GABRG1: variants seen among roughly 807,000 people sequenced by gnomAD.
GABRG1 encodes gamma-aminobutyric acid type A receptor subunit gamma1, also known as gamma-aminobutyric acid receptor subunit gamma-1.
GABRG1 carries 49 observed loss-of-function variants against 49.8 expected under a neutral mutation model. The ratio of observed to expected loss-of-function variants is 0.98; its 90% CI spans 0.78 to 1.25. The LOEUF is 1.25. Ranked by LOEUF, GABRG1 falls within the 50% of genes most tolerant of loss-of-function variation. GABRG1 has a pLI of 0.00. For synonymous variants in GABRG1, 232 were observed against 185.1 expected, an observed-to-expected ratio of 1.25 and a Z score of -2.06; for missense variants, 552 against 552.3, an observed-to-expected ratio of 1.00 and a Z score of 0.01.
intron 2 of GABRG1, among the ~76,000 whole-genome samples, chr4:46,088,943 C>T (rs1719885076): frequency 6.6e-6 from 1 of 151,668 alleles, no homozygotes; most frequent in African/African-American, 2.4e-5. Context: ...GCTCTTGCTC[C>T]CATACCTGAT....
intron 2 of GABRG1, among the ~76,000 whole-genome samples, chr4:46,092,025 T>C (rs1256321080): frequency 6.6e-6 from 1 of 152,016 alleles, no homozygotes; most frequent in East Asian, 1.9e-4. Flanking sequence ...GAGTGATATT[T>C]ATGAAGTTTG....
At position 46,097,212 on chromosome 4, in the gene GABRG1, G is replaced by T; in HGVS notation, c.242C>A (p.Pro81Gln). Residue 81 changes from proline to glutamine, a missense_variant, in exon 2 of 9, where the codon CCA becomes CAA. By Grantham distance (76) the Pro-to-Gln change is moderately conservative. Transcript: ENST00000295452. ...TAACTCAAGCTTACCTCCTATATCT[G>T]GACGAAGTTTATTGTCATAGCCTTG... ...LLQGYDNKLR[P>Q]DIGVRPTVIE... 6.2e-7 allele frequency: 1 copy of T among 1,607,144 alleles called. No individual in the cohort carries two copies. The highest frequency in any genetic ancestry group is 8.5e-7 in the Non-Finnish European group (1 of 1,176,440).
In GABRG1 at chr4:46,090,949, CACACAT is replaced by C. The variant is rs1237457514; in HGVS notation, c.253+6246_253+6251del. 1.0e-3 allele frequency among the ~76,000 whole-genome samples: 143 copies of C among 137,556 alleles called. No homozygotes were observed. The Middle Eastern group carries it at 0.011, about 11-fold the overall frequency. The allele number at this position is 137,556 out of a possible 152,430, so 90.2% of individuals were successfully genotyped here. On this transcript the variant is annotated intron_variant, in intron 2 of 8. Coordinates refer to ENST00000295452, the MANE Select transcript of GABRG1 (RefSeq NM_173536.4). ...TCCCTGGAATACACACACACACACA[CACACAT>C]ACACACACACACACACACACACACA...
chr4:46,094,657 G>A (rs1720109628), intron 2 of GABRG1, among the ~76,000 whole-genome samples: 1 of 151,858 alleles, frequency 6.6e-6, no homozygotes, highest in South Asian at 2.1e-4. Flanking sequence ...AAAAGTCAAG[G>A]GGAGTACCTC....
intron 1 of GABRG1, among the ~76,000 whole-genome samples, chr4:46,113,377 C>G (rs1163157420): frequency 2.0e-5 from 3 of 150,890 alleles, no homozygotes; most frequent in Admixed American, 1.3e-4. Flanking sequence ...ATAAAACCAT[C>G]AAATCTCCTG....
chr4:46,101,662 A>C (rs1720382929), intron 1 of GABRG1, among the ~76,000 whole-genome samples: 1 of 151,722 alleles, frequency 6.6e-6, no homozygotes, highest in Non-Finnish European at 1.5e-5. Flanking sequence ...AACATTTTCA[A>C]TCCAATGACA....
intron 5 of GABRG1, among the ~76,000 whole-genome samples, chr4:46,061,317 A>G (rs1029975334): frequency 2.0e-5 from 3 of 152,106 alleles, no homozygotes; most frequent in African/African-American, 7.2e-5. Flanking sequence ...AGACAAAATC[A>G]TTAAGAAAAT....
At chr4:46,120,195 T>C (rs1268539370) in intron 1 of GABRG1, among the ~76,000 whole-genome samples, 6 of 151,864 alleles carry the variant, frequency 4.0e-5, no homozygotes, top group Non-Finnish European at 7.4e-5. Flanking sequence ...AATTACTCTC[T>C]TGAAGCTCAT....
intron 1 of GABRG1, among the ~76,000 whole-genome samples, chr4:46,114,364 G>C (rs996622828): frequency 6.6e-6 from 1 of 150,956 alleles, no homozygotes; most frequent in Non-Finnish European, 1.5e-5. Context: ...ATAGAGAGAT[G>C]CTTTGAAAAC....
intron 8 of GABRG1, among the ~76,000 whole-genome samples, chr4:46,049,831 A>G (rs993720): frequency 0.51 from 76,698 of 151,678 alleles, 19,975 homozygotes; most frequent in African/African-American, 0.62. Flanking sequence ...ATTAGCTACC[A>G]TCCTAGAGTA....
chr4:46,111,182 G>C, intron 1 of GABRG1, among the ~76,000 whole-genome samples: 1 of 150,982 alleles, frequency 6.6e-6, no homozygotes, highest in Non-Finnish European at 1.5e-5. Context: ...TTAAAACTCA[G>C]TAGAATTTCT....
At chr4:46,057,704 A>G (rs1050006889) in intron 7 of GABRG1, among the ~76,000 whole-genome samples, 2 of 152,136 alleles carry the variant, frequency 1.3e-5, no homozygotes, top group African/African-American at 4.8e-5. Context: ...CACATTTTAT[A>G]CATGACAGAA....
intron 1 of GABRG1, among the ~76,000 whole-genome samples, chr4:46,114,970 GA>G (rs958219697): frequency 2.0e-4 from 30 of 148,626 alleles, no homozygotes; most frequent in Non-Finnish European, 2.7e-4. Context: ...CATAAGGACA[GA>G]AAAAAAAAGA....
intron 2 of GABRG1, among the ~76,000 whole-genome samples, chr4:46,093,348 A>T (rs1462280793): frequency 6.6e-6 from 1 of 152,012 alleles, no homozygotes; most frequent in Non-Finnish European, 1.5e-5. Context: ...GAAATAAACC[A>T]GGCACAGAAA....
chr4:46,045,439 G>GA (rs1012161537), intron 8 of GABRG1, among the ~76,000 whole-genome samples: 6 of 151,628 alleles, frequency 4.0e-5, no homozygotes, highest in African/African-American at 1.5e-4. Context: ...TTTCCAAGGA[G>GA]AAAATAGAAA....
At chr4:46,122,681 A>T (rs968178204) in intron 1 of GABRG1, among the ~76,000 whole-genome samples, 1 of 152,134 alleles carries the variant, frequency 6.6e-6, no homozygotes, top group East Asian at 1.9e-4. Flanking sequence ...GTGGCAAAAA[A>T]ATTCACTCTA....
chr4:46,053,072 A>G (rs924911707), intron 7 of GABRG1, among the ~76,000 whole-genome samples: 1 of 151,936 alleles, frequency 6.6e-6, no homozygotes, highest in African/African-American at 2.4e-5. Context: ...AAAAAAACAA[A>G]CACAGTAATA....
intron 5 of GABRG1, among the ~76,000 whole-genome samples, chr4:46,059,267 G>T (rs1718576826): frequency 6.6e-6 from 1 of 152,224 alleles, no homozygotes; most frequent in Non-Finnish European, 1.5e-5. Context: ...CCGAAACGTG[G>T]CATGCAATAT....
intron 1 of GABRG1, among the ~76,000 whole-genome samples, chr4:46,117,763 C>CAT (rs1292971843): frequency 7.3e-6 from 1 of 137,482 alleles, no homozygotes; most frequent in Non-Finnish European, 1.6e-5. Flanking sequence ...CATGTATATA[C>CAT]ATATACATAT....
Sources: allele counts gnomAD v4.1 joint callset (sites outside exome capture counted in the v4.1 genomes callset), GRCh38; gene constraint gnomAD v4.1.1; transcripts MANE v1.5; gene names NCBI Gene and HGNC (gene_info 2026-07-23, HGNC 2026-07-21).